SMYD3: variants seen among roughly 807,000 people sequenced by gnomAD.
The protein encoded by SMYD3 is SET and MYND domain containing 3.
Under a neutral mutation model 57.7 loss-of-function variants are expected in SMYD3, and 36 were observed. The observed-to-expected ratio is 0.62, with a 90% CI of 0.48 to 0.82. The LOEUF (loss-of-function observed/expected upper bound fraction) is 0.82. Ranked by LOEUF, SMYD3 falls within the 40% of genes least tolerant of loss-of-function variation. SMYD3 has a pLI of 0.00. For missense variants in SMYD3, 515 were observed against 538.8 expected, an observed-to-expected ratio of 0.96 and a Z score of 0.44; for synonymous variants, 211 against 195.0, an observed-to-expected ratio of 1.08 and a Z score of -0.68.
At chr1:246,105,129 C>G (rs12758708) in intron 5 of SMYD3, among the ~76,000 whole-genome samples, 42,155 of 151,864 alleles carry the variant, frequency 0.28, 6,788 homozygotes, top group East Asian at 0.56. Flanking sequence ...AAGATGATGA[C>G]ACATCACCCG....
intron 1 of SMYD3, among the ~76,000 whole-genome samples, chr1:246,384,686 T>TGC (rs1379624195): frequency 8.5e-5 from 13 of 152,280 alleles, no homozygotes; most frequent in Non-Finnish European, 1.8e-4. Context: ...CGTGAGCCAC[T>TGC]GCACCTGGTC....
chr1:245,846,405 T>A lies in SMYD3; in HGVS notation c.1076+12091A>T, dbSNP rs569707427. ...AGAGTCATATGGTAGGAAAACAGAA[T>A]GGTATAGTGGAAAGACCACTAGAGC... is the stretch of plus-strand genomic sequence containing the variant. On this transcript the variant is annotated intron_variant, in intron 10 of 11. Transcript: ENST00000490107. Among the ~76,000 whole-genome samples the A allele has an allele frequency of 2.6e-5, 4 of 152,292 alleles. No individual in the cohort carries two copies. The East Asian group carries it at 7.7e-4, about 29-fold the overall frequency.
At chr1:245,809,603 A>G (rs2048353833) in intron 10 of SMYD3, among the ~76,000 whole-genome samples, 1 of 152,256 alleles carries the variant, frequency 6.6e-6, no homozygotes, top group African/African-American at 2.4e-5. Context: ...CAACGTCAGG[A>G]AGGCATTGTT....
intron 1 of SMYD3, among the ~76,000 whole-genome samples, chr1:246,437,652 C>T (rs1395711340): frequency 6.6e-6 from 1 of 152,096 alleles, no homozygotes; most frequent in Non-Finnish European, 1.5e-5. Flanking sequence ...TAAAAGATAA[C>T]GCTATGAAAC....
intron 11 of SMYD3, among the ~76,000 whole-genome samples, chr1:245,750,602 C>T (rs2045302406): frequency 6.6e-6 from 1 of 151,952 alleles, no homozygotes; most frequent in African/African-American, 2.4e-5. Flanking sequence ...ATAATTTTGC[C>T]GTTGTTTACT....
At chr1:245,997,726 C>T (rs2058959784) in intron 5 of SMYD3, among the ~76,000 whole-genome samples, 1 of 152,172 alleles carries the variant, frequency 6.6e-6, no homozygotes, top group African/African-American at 2.4e-5. Context: ...ACCTCCACCA[C>T]CACCAGGGAA....
intron 5 of SMYD3, among the ~76,000 whole-genome samples, chr1:245,982,081 T>C (rs2058609548): frequency 6.6e-6 from 1 of 152,244 alleles, no homozygotes; most frequent in African/African-American, 2.4e-5. Flanking sequence ...TTTTGGGTAA[T>C]GCTCAATTCC....
intron 10 of SMYD3, among the ~76,000 whole-genome samples, chr1:245,811,219 C>T (rs1293811327): frequency 6.6e-6 from 1 of 152,180 alleles, no homozygotes; most frequent in Non-Finnish European, 1.5e-5. Flanking sequence ...GTGCAAAGTA[C>T]AGCTCTTATT....
intron 10 of SMYD3, among the ~76,000 whole-genome samples, chr1:245,835,883 C>T (rs895874418): frequency 3.3e-5 from 5 of 152,126 alleles, no homozygotes; most frequent in East Asian, 3.9e-4. Flanking sequence ...TTCTGTTCTC[C>T]GTCGACGTGA....
intron 8 of SMYD3, among the ~76,000 whole-genome samples, chr1:245,906,350 A>G (rs1347171333): frequency 6.6e-6 from 1 of 152,230 alleles, no homozygotes; most frequent in Non-Finnish European, 1.5e-5. Flanking sequence ...TTGAATAGAC[A>G]TTGCTCAAAA....
chr1:246,255,983 T>TAGATAGATAGACAGAC, intron 5 of SMYD3, among the ~76,000 whole-genome samples: 2 of 138,112 alleles, frequency 1.4e-5, no homozygotes, highest in South Asian at 2.5e-4. Context: ...GATAGATAGA[T>TAGATAGATAGACAGAC]AGATACACAC....
intron 8 of SMYD3, among the ~76,000 whole-genome samples, chr1:245,906,212 T>C (rs960547249): frequency 1.3e-5 from 2 of 152,020 alleles, no homozygotes; most frequent in Non-Finnish European, 2.9e-5. Context: ...AGACAACCCA[T>C]GGAATGGGAG....
chr1:246,073,599 C>T (rs1226684155), intron 5 of SMYD3, among the ~76,000 whole-genome samples: 1 of 152,100 alleles, frequency 6.6e-6, no homozygotes, highest in African/African-American at 2.4e-5. Context: ...TACCTGCAGC[C>T]CCAGCTACTC....
intron 5 of SMYD3, among the ~76,000 whole-genome samples, chr1:246,128,602 C>T (rs562727920): frequency 1.3e-5 from 2 of 152,146 alleles, no homozygotes; most frequent in Non-Finnish European, 2.9e-5. Flanking sequence ...AGAGAGAGTA[C>T]AACAGCTGTT....
At chr1:245,862,053 T>C (rs1164004686) in intron 9 of SMYD3, among the ~76,000 whole-genome samples, 1 of 151,214 alleles carries the variant, frequency 6.6e-6, no homozygotes, top group East Asian at 1.9e-4. Flanking sequence ...AAAGGCTCTT[T>C]GAGCCCATGA....
chr1:246,325,502 C>T (rs751408490), intron 5 of SMYD3, among the ~76,000 whole-genome samples: 3 of 151,988 alleles, frequency 2.0e-5, no homozygotes, highest in Non-Finnish European at 4.4e-5. Flanking sequence ...TGTGTATTTT[C>T]TAGCAATAAC....
intron 5 of SMYD3, among the ~76,000 whole-genome samples, chr1:246,149,177 T>C (rs1487248974): frequency 1.3e-5 from 2 of 152,202 alleles, no homozygotes; most frequent in African/African-American, 4.8e-5. Context: ...AATTAAATGA[T>C]TAAAAATTAG....
intron 5 of SMYD3, among the ~76,000 whole-genome samples, chr1:246,194,650 G>C (rs1479639969): frequency 6.6e-6 from 1 of 152,152 alleles, no homozygotes; most frequent in African/African-American, 2.4e-5. Context: ...CCAAAAGGTA[G>C]TCACTAACCA....
chr1:245,827,687 G>A (rs1396599946), intron 10 of SMYD3, among the ~76,000 whole-genome samples: 1 of 152,198 alleles, frequency 6.6e-6, no homozygotes, highest in Non-Finnish European at 1.5e-5. Flanking sequence ...GAGTGTCCTG[G>A]AATTTGGCAG....
Sources: gnomAD v4.1 joint callset for allele counts (sites outside exome capture counted in the v4.1 genomes callset) on GRCh38, gnomAD v4.1.1 for gene constraint, MANE v1.5 for transcripts, NCBI Gene and HGNC (gene_info 2026-07-23, HGNC 2026-07-21) for gene names.